The following CPEB3 variants were observed in gnomAD, a reference collection of about 807,000 sequenced individuals.
CPEB3 encodes the protein cytoplasmic polyadenylation element-binding protein 3.
In CPEB3, 20 loss-of-function variants were observed where a neutral mutation model predicts 67.2. That is an observed-to-expected ratio of 0.30 (90% CI 0.21 to 0.43). The LOEUF (loss-of-function observed/expected upper bound fraction) is 0.43. CPEB3 is among the 20% of genes least tolerant of loss of function. The probability of loss-of-function intolerance (pLI) is 1.00; values close to 1 mark genes in which losing one functional copy is unlikely to be tolerated. For missense variants in CPEB3, 746 were observed against 968.6 expected (o/e 0.77, Z 3.05); for synonymous variants, 376 against 393.1 (o/e 0.96, Z 0.51).
intron 2 of CPEB3, among the ~76,000 whole-genome samples, chr10:92,220,570 C>T (rs1366259501): frequency 9.6e-5 from 12 of 124,666 alleles, no homozygotes; most frequent in Middle Eastern, 4.1e-3. Flanking sequence ...ACACCTTAAA[C>T]TGCCATGTTA....
chr10:92,091,722 G>T (rs1843627745), intron 8 of CPEB3, 108 bp downstream of exon 8: 1 of 611,804 alleles, frequency 1.6e-6, no homozygotes, highest in Non-Finnish European at 2.8e-6. Flanking sequence ...CCTTCTTTTT[G>T]GAGACTATGT....
At chr10:92,291,169 C>G, upstream of CPEB3, 1 of 461,438 alleles carries the variant, frequency 2.2e-6, no homozygotes, top group South Asian at 2.5e-5. Context: ...CGACTCTTAC[C>G]TCACAAAGGT....
At chr10:92,270,740 GCT>G (rs1491495825) in intron 1 of CPEB3, among the ~76,000 whole-genome samples, 1 of 74,450 alleles carries the variant, frequency 1.3e-5, no homozygotes, top group Non-Finnish European at 2.4e-5. Flanking sequence ...TTTCTGGGGT[GCT>G]TTTTTTTTGT....
At chr10:92,245,255 A>C (rs780922598) in intron 1 of CPEB3, among the ~76,000 whole-genome samples, 6 of 147,350 alleles carry the variant, frequency 4.1e-5, no homozygotes, top group Non-Finnish European at 4.4e-5. Flanking sequence ...CTCCTACCTC[A>C]GCCTCTTGAG....
intron 2 of CPEB3, among the ~76,000 whole-genome samples, chr10:92,238,071 A>G (rs1364450695): frequency 6.6e-6 from 1 of 152,186 alleles, no homozygotes; most frequent in East Asian, 1.9e-4. Context: ...TCTGCACCTG[A>G]CACTATACCT....
At chr10:92,260,697 C>T (rs1390994414) in intron 1 of CPEB3, among the ~76,000 whole-genome samples, 1 of 152,050 alleles carries the variant, frequency 6.6e-6, no homozygotes, top group Non-Finnish European at 1.5e-5. Context: ...CCTATTCCAC[C>T]TCCTGGGCTC....
chr10:92,165,552 CTT>C (rs992946287), intron 4 of CPEB3, among the ~76,000 whole-genome samples: 5 of 152,082 alleles, frequency 3.3e-5, no homozygotes, highest in African/African-American at 1.2e-4. Context: ...TCGATTGACT[CTT>C]CTTTTCACAA....
intron 8 of CPEB3, among the ~76,000 whole-genome samples, chr10:92,088,912 T>A (rs1290952994): frequency 6.6e-6 from 1 of 152,246 alleles, no homozygotes; most frequent in Non-Finnish European, 1.5e-5. Flanking sequence ...TTGAAAATCA[T>A]GTTAAAGAAT....
intron 6 of CPEB3, chr10:92,137,324 C>A: frequency 2.6e-6 from 2 of 768,506 alleles, no homozygotes; most frequent in Non-Finnish European, 4.2e-6. Context: ...ATCGTGGGTA[C>A]CCCTGGCCAT....
intron 1 of CPEB3, among the ~76,000 whole-genome samples, chr10:92,289,265 C>A (rs1340094119): frequency 2.6e-5 from 4 of 151,894 alleles, no homozygotes; most frequent in Non-Finnish European, 1.5e-5. Flanking sequence ...AGACCAGGCG[C>A]GGTGGCTCGC....
intron 8 of CPEB3, among the ~76,000 whole-genome samples, chr10:92,087,322 G>A (rs983367054): frequency 1.3e-5 from 2 of 152,156 alleles, no homozygotes; most frequent in Admixed American, 6.6e-5. Context: ...ATTCACCACA[G>A]AATATTGGTA....
intron 2 of CPEB3, among the ~76,000 whole-genome samples, chr10:92,203,356 GTATATATA>G (rs1417151831): frequency 3.0e-5 from 4 of 132,152 alleles, no homozygotes; most frequent in African/African-American, 1.1e-4. Flanking sequence ...ATATATATAT[GTATATATA>G]TGTATATATG....
chr10:92,223,023 C>A (rs1047701992), intron 2 of CPEB3, among the ~76,000 whole-genome samples: 22 of 152,138 alleles, frequency 1.4e-4, no homozygotes, highest in African/African-American at 4.8e-4. Flanking sequence ...GGTTTCATTT[C>A]TTTTATTGCG....
intron 3 of CPEB3, among the ~76,000 whole-genome samples, chr10:92,185,616 G>A (rs564697044): frequency 3.9e-5 from 6 of 152,186 alleles, no homozygotes; most frequent in Admixed American, 1.3e-4. Context: ...TCTACAATAT[G>A]TTATGAGATA....
chr10:92,223,567 C>CA (rs1411092410), intron 2 of CPEB3, among the ~76,000 whole-genome samples: 4 of 84,146 alleles, frequency 4.8e-5, no homozygotes, highest in Non-Finnish European at 9.9e-5. Context: ...CTAATTATTT[C>CA]TTTTTTTTTT....
Position 92,091,887 on chromosome 10 carries a change from G to A in CPEB3, c.1630C>T (p.Pro544Ser). ...AAGATAGTTTTTCTGGGGTCCAAAG[G>A]CTGAGAACCATCCATTACAAAGTCA... Reference protein sequence around the residue: ...DSDFVMDGSQPLDPRKTIFVG... With the variant: ...DSDFVMDGSQSLDPRKTIFVG... The change falls in exon 8 of 10, where the codon CCT becomes TCT. Residue 544 changes from proline to serine, a missense_variant. Physicochemically the swap from Pro to Ser is moderately conservative, Grantham distance 74. Transcript: ENST00000265997. 1 of 1,613,854 alleles carries A rather than the reference G, an allele frequency of 6.2e-7. No homozygotes were observed. The highest frequency in any genetic ancestry group is 8.5e-7 in the Non-Finnish European group (1 of 1,179,912).
intron 9 of CPEB3, among the ~76,000 whole-genome samples, chr10:92,058,262 C>T (rs554513585): frequency 6.2e-4 from 94 of 152,150 alleles, no homozygotes; most frequent in Middle Eastern, 3.4e-3. Flanking sequence ...AATATATATT[C>T]GGGCCGGGCA....
intron 4 of CPEB3, among the ~76,000 whole-genome samples, chr10:92,149,739 AACTGT>A (rs1210810315): frequency 2.6e-5 from 4 of 152,174 alleles, no homozygotes; most frequent in Non-Finnish European, 5.9e-5. Flanking sequence ...ATATTTCTCT[AACTGT>A]GGGTAATAAT....
Position 92,240,276 on chromosome 10 carries a change from C to T in CPEB3, c.75G>A (p.Gln25=), listed in dbSNP as rs1332950653. ...CGGATACGCTGGACTCAGGTTGGGG[C>T]TGCTGCTGCTGCCGCTGCTGCTGCT... ...QPQQQQRQQQ[Q]PQPESSVSEA... The change falls in exon 2 of 10, where the codon CAG becomes CAA. Residue 25 remains glutamine (Q), a synonymous_variant. Transcript: ENST00000265997. 6.6e-7 allele frequency: 1 copy of T among 1,511,520 alleles called. No homozygotes were observed. Among genetic ancestry groups the T allele is most frequent in the Admixed American group, 2.2e-5 (1 of 44,460 alleles). 93.6% of individuals were successfully genotyped at this position (1,511,520 alleles called of 1,614,324 possible).
Sources: gnomAD v4.1 joint callset for allele counts (sites outside exome capture counted in the v4.1 genomes callset) on GRCh38, gnomAD v4.1.1 for gene constraint, MANE v1.5 for transcripts, NCBI Gene and HGNC (gene_info 2026-07-23, HGNC 2026-07-21) for gene names.